KIAA1549L: variants seen among roughly 807,000 people sequenced by gnomAD.
KIAA1549L encodes UPF0606 protein KIAA1549L.
A neutral mutation model predicts 160.7 loss-of-function variants in KIAA1549L; 88 were observed. The observed-to-expected ratio is 0.55, with a 90% CI of 0.46 to 0.65. KIAA1549L has a LOEUF of 0.65. Ranked by LOEUF, KIAA1549L falls within the 30% of genes least tolerant of loss-of-function variation. KIAA1549L has a pLI of 0.00. For missense variants in KIAA1549L, 2,258 were observed against 2,437.5 expected (o/e 0.93, Z 1.55); for synonymous variants, 950 against 976.7 (o/e 0.97, Z 0.51).
At chr11:33,565,845 T>G (rs2133228837) in intron 8 of KIAA1549L, among the ~76,000 whole-genome samples, 1 of 151,828 alleles carries the variant, frequency 6.6e-6, no homozygotes, top group Admixed American at 6.6e-5. Context: ...TAGTGAGACC[T>G]CATCTCTACA....
intron 16 of KIAA1549L, among the ~76,000 whole-genome samples, chr11:33,623,391 C>T (rs774399105): frequency 1.3e-5 from 2 of 152,226 alleles, no homozygotes; most frequent in African/African-American, 2.4e-5. Context: ...AAACTTTCCT[C>T]CATAGCCCCT....
intron 6 of KIAA1549L, among the ~76,000 whole-genome samples, chr11:33,553,126 CTAAACAGCCCTTTTAAACATT>C (rs1435630888): frequency 1.3e-5 from 2 of 152,120 alleles, no homozygotes; most frequent in South Asian, 2.1e-4. Flanking sequence ...TTTAGATGCT[CTAAACAGCCCTTTTAAACATT>C]TAAACAGCCC....
intron 1 of KIAA1549L, among the ~76,000 whole-genome samples, chr11:33,442,048 T>C (rs1851518318): frequency 6.6e-6 from 1 of 151,864 alleles, no homozygotes; most frequent in African/African-American, 2.4e-5. Flanking sequence ...GTTTTTATGG[T>C]TTTAGGTCTA....
intron 1 of KIAA1549L, among the ~76,000 whole-genome samples, chr11:33,432,083 C>A (rs559217688): frequency 1.2e-4 from 19 of 152,346 alleles, no homozygotes; most frequent in African/African-American, 4.6e-4. Context: ...TCCAGCTGGC[C>A]CACAAGCTCT....
At chr11:33,441,449 C>A (rs1851503975) in intron 1 of KIAA1549L, among the ~76,000 whole-genome samples, 1 of 150,530 alleles carries the variant, frequency 6.6e-6, no homozygotes, top group Non-Finnish European at 1.5e-5. Flanking sequence ...AATGGGATGG[C>A]TGGGTCAAAT....
chr11:33,584,519 GT>G (rs1470563695), intron 11 of KIAA1549L, among the ~76,000 whole-genome samples: 3 of 152,188 alleles, frequency 2.0e-5, no homozygotes, highest in African/African-American at 7.2e-5. Flanking sequence ...TGATTTTCTG[GT>G]CACCTTGCTC....
intron 1 of KIAA1549L, among the ~76,000 whole-genome samples, chr11:33,402,327 C>T (rs1850519503): frequency 6.6e-6 from 1 of 152,180 alleles, no homozygotes; most frequent in African/African-American, 2.4e-5. Context: ...TCTGATTGGT[C>T]CTGTCAGTTC....
intron 20 of KIAA1549L, chr11:33,665,306 A>G (rs1852405283): frequency 6.6e-6 from 1 of 152,392 alleles, no homozygotes. Context: ...AGGTCATCCC[A>G]TGGAGTGTTC....
At chr11:33,633,305 T>C (rs1851352433) in intron 16 of KIAA1549L, among the ~76,000 whole-genome samples, 1 of 151,936 alleles carries the variant, frequency 6.6e-6, no homozygotes, top group Non-Finnish European at 1.5e-5. Context: ...CCCAGCCCTC[T>C]TGTCATCTTT....
intron 1 of KIAA1549L, among the ~76,000 whole-genome samples, chr11:33,521,702 T>C (rs1329183763): frequency 2.0e-5 from 3 of 152,220 alleles, no homozygotes; most frequent in Non-Finnish European, 4.4e-5. Context: ...TAGGCCTCTC[T>C]TAGACAAGAA....
intron 11 of KIAA1549L, among the ~76,000 whole-genome samples, chr11:33,584,873 C>T (rs1392455071): frequency 6.6e-6 from 1 of 152,194 alleles, no homozygotes; most frequent in Non-Finnish European, 1.5e-5. Context: ...TGAGCTTTGT[C>T]TACCAGTGCA....
intron 12 of KIAA1549L, among the ~76,000 whole-genome samples, chr11:33,595,373 T>C (rs898467116): frequency 2.0e-5 from 3 of 152,086 alleles, no homozygotes; most frequent in Non-Finnish European, 4.4e-5. Flanking sequence ...ATTACAGACA[T>C]GTGCCACCAT....
At chr11:33,655,586 TG>T (rs1385420016) in intron 17 of KIAA1549L, among the ~76,000 whole-genome samples, 8 of 152,218 alleles carry the variant, frequency 5.3e-5, no homozygotes, top group African/African-American at 1.4e-4. Context: ...ACACTCTAGT[TG>T]GTGGCAGATC....
intron 8 of KIAA1549L, among the ~76,000 whole-genome samples, chr11:33,566,723 C>T (rs375649296): frequency 3.3e-5 from 5 of 152,290 alleles, no homozygotes; most frequent in African/African-American, 1.2e-4. Flanking sequence ...TGATGATTAG[C>T]GTTGGCTGCT....
At chr11:33,558,814 A>G (rs900697471) in intron 6 of KIAA1549L, among the ~76,000 whole-genome samples, 1 of 151,504 alleles carries the variant, frequency 6.6e-6, no homozygotes, top group Non-Finnish European at 1.5e-5. Context: ...AACATACTCT[A>G]TATTTCTGAA....
chr11:33,431,204 T>G (rs1851233315), intron 1 of KIAA1549L, among the ~76,000 whole-genome samples: 1 of 152,152 alleles, frequency 6.6e-6, no homozygotes, highest in South Asian at 2.1e-4. Flanking sequence ...AAAAGCAGTG[T>G]GGACCCAAAG....
At chr11:33,381,189 T>G (rs959843041) in intron 1 of KIAA1549L, among the ~76,000 whole-genome samples, 2 of 152,110 alleles carry the variant, frequency 1.3e-5, no homozygotes, top group African/African-American at 4.8e-5. Context: ...TGAGTAATAC[T>G]GACGATGCAA....
At chr11:33,651,048 T>TGGCTCTCCTCTCC (rs1453731709) in intron 17 of KIAA1549L, among the ~76,000 whole-genome samples, 3 of 152,240 alleles carry the variant, frequency 2.0e-5, no homozygotes, top group Non-Finnish European at 4.4e-5. Flanking sequence ...GCTTCCTCTC[T>TGGCTCTCCTCTCC]GGCTCTCCTC....
Position 33,435,781 on chromosome 11 carries a change from T to G in KIAA1549L, c.238+58892T>G, listed in dbSNP as rs1232010048. Among the ~76,000 whole-genome samples, 7 of 11,254 alleles carry G rather than the reference T, an allele frequency of 6.2e-4. 1 individual carries two copies. Among genetic ancestry groups the G allele is most frequent in the Non-Finnish European group, 8.2e-4 (6 of 7,340 alleles). The allele number at this position is 11,254 out of a possible 152,430, so 7.4% of individuals were successfully genotyped here. A position where few individuals can be genotyped will look rare whatever the true frequency, so the allele number is the denominator to read the frequency against. ...TAAGATATATATATATATATATATA[T>G]ATATATATATATATATATATATATA... On this transcript the variant is annotated intron_variant, in intron 1 of 20. Coordinates refer to ENST00000658780, the MANE Select transcript of KIAA1549L (RefSeq NM_012194.3).
Sources: allele counts gnomAD v4.1 joint callset (sites outside exome capture counted in the v4.1 genomes callset), GRCh38; gene constraint gnomAD v4.1.1; transcripts MANE v1.5; gene names NCBI Gene and HGNC (gene_info 2026-07-23, HGNC 2026-07-21).